ADAM19: variants seen among roughly 807,000 people sequenced by gnomAD.
ADAM19 encodes the protein ADAM metallopeptidase domain 19.
ADAM19 carries 65 observed loss-of-function variants against 114.7 expected under a neutral mutation model. The observed-to-expected ratio is 0.57, with a 90% CI of 0.46 to 0.70. ADAM19 has a LOEUF of 0.70. Among genes scored for constraint, ADAM19 ranks in the 30% least tolerant of loss-of-function variants. ADAM19 has a pLI of 0.00. For synonymous variants in ADAM19, 466 were observed against 460.5 expected, an observed-to-expected ratio of 1.01 and a Z score of -0.15; for missense variants, 1,063 against 1,204.7, an observed-to-expected ratio of 0.88 and a Z score of 1.74.
Position 157,481,955 on chromosome 5 carries a change from G to T in ADAM19, c.2551-12C>A. 1 of 1,571,586 alleles carries T rather than the reference G, an allele frequency of 6.4e-7. No homozygotes were observed. The highest frequency in any genetic ancestry group is 1.9e-5 in the Admixed American group (1 of 52,828). On this transcript the variant is annotated splice_polypyrimidine_tract_variant and intron_variant, in intron 21 of 22. Coordinates refer to ENST00000257527, the MANE Select transcript of ADAM19 (RefSeq NM_033274.5). The stretch of plus-strand genomic sequence containing the variant: ...GGCCTGGAGAAGTCCTGGAGAGAAA[G>T]CAATAAGCCTCACTTGAAGGCCAGA...
Position 157,495,759 on chromosome 5 carries a change from G to A in ADAM19, c.1595-964C>T, listed in dbSNP as rs193219020. On this transcript the variant is annotated intron_variant, in intron 14 of 22. Transcript: ENST00000257527. Reference sequence around the variant, plus strand: ...AGAGATTCTCCTGTCTTAGCCTCTCGAGTAGCTGGAATTACAGGCGTCCAC... The same window carrying A: ...AGAGATTCTCCTGTCTTAGCCTCTCAAGTAGCTGGAATTACAGGCGTCCAC... 3.3e-5 allele frequency among the ~76,000 whole-genome samples: 5 copies of A among 151,880 alleles called. No individual in the cohort carries two copies. The East Asian group carries it at 5.8e-4, about 18-fold the overall frequency.
At chr5:157,565,013 C>T (rs1425108046) in intron 2 of ADAM19, among the ~76,000 whole-genome samples, 1 of 152,166 alleles carries the variant, frequency 6.6e-6, no homozygotes, top group Non-Finnish European at 1.5e-5. Flanking sequence ...GTTCTTATTT[C>T]ATTTTGGCTC....
chr5:157,560,264 CAAAAAAAAAAAAAAAAAA>C (rs35731498), intron 3 of ADAM19, among the ~76,000 whole-genome samples: 30 of 51,710 alleles, frequency 5.8e-4, no homozygotes, highest in Admixed American at 5.9e-4. Flanking sequence ...GACTCCGTCT[CAAAAAAAAAAAAAAAAAA>C]AAAAAAAAAA....
intron 2 of ADAM19, chr5:157,569,157 C>G (rs1757751727): frequency 6.6e-6 from 1 of 151,776 alleles, no homozygotes; most frequent in African/African-American, 2.4e-5. Context: ...TTTTCAGCCT[C>G]TCCTACTTTT....
chr5:157,479,148 C>A lies in ADAM19; in HGVS notation c.*1801G>T. The A allele has an allele frequency of 3.0e-6, 3 of 985,918 alleles. No individual in the cohort carries two copies. Among genetic ancestry groups the A allele is most frequent in the Non-Finnish European group, 3.6e-6 (3 of 829,974 alleles). 61.1% of individuals were successfully genotyped at this position (985,918 alleles called of 1,614,324 possible). A position where few individuals can be genotyped will look rare whatever the true frequency, so the allele number is the denominator to read the frequency against. ...CAGCAAGGATGACCCACGGCAAGGACATGGGGAACCTGTATCACAGCCACC... is the reference window on the plus strand; with the variant it reads ...CAGCAAGGATGACCCACGGCAAGGAAATGGGGAACCTGTATCACAGCCACC... On this transcript the variant is annotated 3_prime_UTR_variant, in exon 23 of 23. Transcript: ENST00000257527.
intron 4 of ADAM19, among the ~76,000 whole-genome samples, chr5:157,532,188 A>T (rs1166256707): frequency 2.0e-5 from 3 of 151,874 alleles, no homozygotes; most frequent in Non-Finnish European, 4.4e-5. Context: ...CATCACTACA[A>T]ACAGCTGTGA....
At chr5:157,569,807 C>A (rs995368483) in intron 2 of ADAM19, among the ~76,000 whole-genome samples, 9 of 152,124 alleles carry the variant, frequency 5.9e-5, no homozygotes, top group Non-Finnish European at 1.0e-4. Flanking sequence ...TTAGAAAAAA[C>A]CCCTCTCCCC....
intron 5 of ADAM19, among the ~76,000 whole-genome samples, chr5:157,526,124 G>A (rs1756445460): frequency 6.7e-6 from 1 of 149,078 alleles, no homozygotes; most frequent in African/African-American, 2.5e-5. Context: ...GTATGCATAG[G>A]GTGATCTCAT....
intron 3 of ADAM19, among the ~76,000 whole-genome samples, chr5:157,563,301 T>A (rs181369923): frequency 1.5e-3 from 223 of 152,300 alleles, no homozygotes; most frequent in Admixed American, 0.012. Context: ...AGAGGAAGGA[T>A]GTGGATGAAG....
chr5:157,504,232 G>A (rs1212547654), intron 11 of ADAM19, among the ~76,000 whole-genome samples: 1 of 152,138 alleles, frequency 6.6e-6, no homozygotes, highest in African/African-American at 2.4e-5. Context: ...GCTGTATCCT[G>A]CCTCATTCTT....
intron 4 of ADAM19, among the ~76,000 whole-genome samples, chr5:157,532,512 A>G (rs565658405): frequency 6.6e-6 from 1 of 152,354 alleles, no homozygotes; most frequent in South Asian, 2.1e-4. Flanking sequence ...TAACAACAAG[A>G]GACACATTCC....
intron 5 of ADAM19, among the ~76,000 whole-genome samples, chr5:157,529,920 C>A (rs1355698373): frequency 6.6e-6 from 1 of 151,910 alleles, no homozygotes; most frequent in Non-Finnish European, 1.5e-5. Flanking sequence ...CCTTGCCTTT[C>A]CTTTCACTTC....
At chr5:157,481,420 G>A (rs1157124035) in intron 22 of ADAM19, 2 of 634,150 alleles carry the variant, frequency 3.2e-6, no homozygotes, top group South Asian at 4.1e-5. Context: ...AGGCCAGGTG[G>A]CTTCTACTAA....
intron 9 of ADAM19, 78 bp from the exon 10 acceptor site, chr5:157,507,218 A>G: frequency 2.1e-6 from 3 of 1,435,140 alleles, no homozygotes; most frequent in Non-Finnish European, 2.9e-6. Context: ...GTAAGTGGCC[A>G]TCACGGGGTT....
chr5:157,509,576 T>A, intron 8 of ADAM19, 109 bp from the exon 9 acceptor site: 2 of 855,842 alleles, frequency 2.3e-6, no homozygotes, highest in Non-Finnish European at 1.6e-6. Flanking sequence ...AAACTAAAAC[T>A]AAAAAATAAA....
In ADAM19 at chr5:157,513,444, T is replaced by C; in HGVS notation, c.728A>G (p.Tyr243Cys). The change falls in exon 8 of 23, where the codon TAT (tyrosine) becomes TGT (cysteine). Residue 243 changes from tyrosine (Y) to cysteine (C), a missense_variant. Physicochemically the swap from Tyr to Cys is radical, Grantham distance 194. Coordinates refer to ENST00000257527, the MANE Select transcript of ADAM19 (RefSeq NM_033274.5). ...CACACCTGGTCTCACCTTATCAACATAGTTGGCGATCTCTATGAGCTTGTG... is the reference window on the plus strand; with the variant it reads ...CACACCTGGTCTCACCTTATCAACACAGTTGGCGATCTCTATGAGCTTGTG... Reference protein sequence around the residue: ...TKHKLIEIANYVDKFYRSLNI... With the variant: ...TKHKLIEIANCVDKFYRSLNI... 1 of 1,613,838 alleles carries C rather than the reference T, an allele frequency of 6.2e-7. No homozygotes were observed. Among genetic ancestry groups the C allele is most frequent in the Non-Finnish European group, 8.5e-7 (1 of 1,179,812 alleles).
intron 3 of ADAM19, among the ~76,000 whole-genome samples, chr5:157,560,483 C>T (rs1306084384): frequency 6.6e-6 from 1 of 152,104 alleles, no homozygotes; most frequent in African/African-American, 2.4e-5. Context: ...AGCTATGCAC[C>T]AATCTTTGCA....
At chr5:157,540,673 A>C (rs1756893534) in intron 3 of ADAM19, among the ~76,000 whole-genome samples, 1 of 152,194 alleles carries the variant, frequency 6.6e-6, no homozygotes, top group African/African-American at 2.4e-5. Flanking sequence ...ATGAGTGAAT[A>C]AACTCGCAAA....
chr5:157,574,836 C>T (rs1414787478), intron 1 of ADAM19, among the ~76,000 whole-genome samples: 2 of 152,216 alleles, frequency 1.3e-5, no homozygotes, highest in African/African-American at 4.8e-5. Context: ...CAGACCCCTT[C>T]GCTTCACAGA....
Sources: gnomAD v4.1 joint callset for allele counts (sites outside exome capture counted in the v4.1 genomes callset) on GRCh38, gnomAD v4.1.1 for gene constraint, MANE v1.5 for transcripts, NCBI Gene and HGNC (gene_info 2026-07-23, HGNC 2026-07-21) for gene names.